The following DLGAP2 variants were observed in gnomAD, a reference collection of about 807,000 sequenced individuals.
The protein encoded by DLGAP2 is DLG associated protein 2.
In DLGAP2, 26 loss-of-function variants were observed where a neutral mutation model predicts 100.3. The observed-to-expected ratio is 0.26, with a 90% CI of 0.19 to 0.36. The LOEUF is 0.36. Ranked by LOEUF, DLGAP2 falls within the 10% of genes least tolerant of loss-of-function variation. The pLI is 1.00. For synonymous variants in DLGAP2, 886 were observed against 630.1 expected, an observed-to-expected ratio of 1.41 and a Z score of -6.08; for missense variants, 1,858 against 1,453.2, an observed-to-expected ratio of 1.28 and a Z score of -4.53.
chr8:1,019,700 T>TACATATAA (rs1801574384), intron 2 of DLGAP2: 1 of 152,242 alleles, frequency 6.6e-6, no homozygotes, highest in South Asian at 2.1e-4. Context: ...AAGATATGTC[T>TACATATAA]AGAATTCATG....
chr8:964,763 C>T (rs925789559), intron 2 of DLGAP2, among the ~76,000 whole-genome samples: 1 of 152,208 alleles, frequency 6.6e-6, no homozygotes, highest in Non-Finnish European at 1.5e-5. Context: ...CCTACCCTCC[C>T]CCGAGGGCCA....
At chr8:1,032,236 C>A (rs1801996232) in intron 2 of DLGAP2, among the ~76,000 whole-genome samples, 1 of 152,226 alleles carries the variant, frequency 6.6e-6, no homozygotes, top group Non-Finnish European at 1.5e-5. Flanking sequence ...AAGGTGTGTT[C>A]CCCCACCGCC....
chr8:1,481,096 T>G (rs1340422502), intron 3 of DLGAP2, among the ~76,000 whole-genome samples: 1 of 151,766 alleles, frequency 6.6e-6, no homozygotes, highest in East Asian at 1.9e-4. Flanking sequence ...GGCGTGAACC[T>G]GGGAGGCGGA....
chr8:1,152,684 G>C (rs980290073), intron 2 of DLGAP2, among the ~76,000 whole-genome samples: 1 of 152,186 alleles, frequency 6.6e-6, no homozygotes. Context: ...GGGGAGAAAT[G>C]GGTCTTCCAC....
rs1030655703 is a variant in DLGAP2 at position 1,092,111 on chromosome 8, C to T, written c.74-166740C>T. On this transcript the variant is annotated intron_variant, in intron 2 of 14. Coordinates refer to ENST00000637795, the MANE Select transcript of DLGAP2 (RefSeq NM_001346810.2). Reference sequence around the variant, plus strand: ...CATGTTTTGGGGACTCTCATGGGAGCGGCCGGTGTCTGCCCCTTCATACCC... The same window carrying T: ...CATGTTTTGGGGACTCTCATGGGAGTGGCCGGTGTCTGCCCCTTCATACCC... Among the ~76,000 whole-genome samples the T allele has an allele frequency of 5.9e-5, 9 of 152,296 alleles. No individual in the cohort carries two copies. In the East Asian group the frequency reaches 1.4e-3, roughly 23 times the overall value.
intron 2 of DLGAP2, among the ~76,000 whole-genome samples, chr8:926,339 G>A (rs765526134): frequency 2.6e-5 from 4 of 152,166 alleles, no homozygotes; most frequent in Admixed American, 1.3e-4. Flanking sequence ...AGGGCTCCCC[G>A]TGTTGGCCAC....
intron 3 of DLGAP2, among the ~76,000 whole-genome samples, chr8:1,339,322 A>G (rs1278627324): frequency 6.6e-6 from 1 of 151,540 alleles, no homozygotes; most frequent in Non-Finnish European, 1.5e-5. Context: ...GAGGGAATGC[A>G]GTGACCTCAG....
chr8:1,440,702 G>A (rs948985721), intron 3 of DLGAP2, among the ~76,000 whole-genome samples: 1 of 152,200 alleles, frequency 6.6e-6, no homozygotes, highest in Admixed American at 6.5e-5. Flanking sequence ...GTCCTGAAGG[G>A]CCCTTGGTGT....
chr8:1,457,972 G>A (rs1798362224), intron 3 of DLGAP2, among the ~76,000 whole-genome samples: 1 of 66,916 alleles, frequency 1.5e-5, no homozygotes, highest in Middle Eastern at 0.011. Flanking sequence ...TCTGTTCTCT[G>A]ATCATATATA....
At chr8:1,303,484 G>A (rs1348770474) in intron 3 of DLGAP2, among the ~76,000 whole-genome samples, 17 of 151,850 alleles carry the variant, frequency 1.1e-4, no homozygotes, top group African/African-American at 3.9e-4. Flanking sequence ...AAGGAGCTTC[G>A]ACCTGGAAAT....
At chr8:1,593,703 G>A (rs961586656) in intron 6 of DLGAP2, among the ~76,000 whole-genome samples, 1 of 73,494 alleles carries the variant, frequency 1.4e-5, no homozygotes, top group Non-Finnish European at 3.5e-5. Flanking sequence ...AGCTCCCAGA[G>A]TCTGGCCTCT....
rs1370692568 is a variant in DLGAP2, at chr8:1,705,291, C to T, written c.*3885C>T. 6.6e-6 allele frequency: 1 copy of T among 152,242 alleles called. No individual in the cohort carries two copies. Among genetic ancestry groups the T allele is most frequent in the Non-Finnish European group, 1.5e-5 (1 of 68,060 alleles). The allele number at this position is 152,242 out of a possible 1,614,324, so 9.4% of individuals were successfully genotyped here. On this transcript the variant is annotated 3_prime_UTR_variant, in exon 15 of 15. Coordinates refer to ENST00000637795, the MANE Select transcript of DLGAP2 (RefSeq NM_001346810.2). ...CCTGTGGTCCTGAGCATGAAGGGGC[C>T]AGGGGACCTCCTGGGAGATGCAGCT...
chr8:1,529,170 AG>A (rs1438971263), intron 4 of DLGAP2, among the ~76,000 whole-genome samples: 1 of 152,178 alleles, frequency 6.6e-6, no homozygotes, highest in Admixed American at 6.5e-5. Flanking sequence ...CGGAAGGTGA[AG>A]GGGAAGCAAG....
chr8:1,579,973 C>T (rs1038034185), intron 6 of DLGAP2, among the ~76,000 whole-genome samples: 1 of 152,184 alleles, frequency 6.6e-6, no homozygotes, highest in Non-Finnish European at 1.5e-5. Flanking sequence ...AGCTCTGCAC[C>T]TGACCTGATG....
chr8:1,089,132 A>G (rs376529696), intron 2 of DLGAP2, among the ~76,000 whole-genome samples: 58 of 136,376 alleles, frequency 4.3e-4, no homozygotes, highest in South Asian at 7.4e-4. Context: ...TCCACCCCTC[A>G]TCCAGCAGGC....
At chr8:980,240 G>A (rs1199346625) in intron 2 of DLGAP2, among the ~76,000 whole-genome samples, 5 of 152,334 alleles carry the variant, frequency 3.3e-5, no homozygotes, top group Admixed American at 1.3e-4. Flanking sequence ...AAAGAAACGG[G>A]ATGGGAGGAA....
chr8:1,076,079 T>G (rs949337355), intron 2 of DLGAP2, among the ~76,000 whole-genome samples: 1 of 152,104 alleles, frequency 6.6e-6, no homozygotes, highest in Middle Eastern at 3.4e-3. Flanking sequence ...GGTAGGAGGA[T>G]TTTTTCACAA....
At chr8:928,936 C>G (rs1477762968) in intron 2 of DLGAP2, among the ~76,000 whole-genome samples, 1 of 151,604 alleles carries the variant, frequency 6.6e-6, no homozygotes, top group Non-Finnish European at 1.5e-5. Context: ...CTGCAACACA[C>G]TGCTCAAGGT....
At chr8:844,910 C>T (rs574939587) in intron 1 of DLGAP2, among the ~76,000 whole-genome samples, 5 of 152,172 alleles carry the variant, frequency 3.3e-5, no homozygotes, top group African/African-American at 4.8e-5. Context: ...CTGGACATTT[C>T]GTGTAAACAG....
Sources: gnomAD v4.1 joint callset for allele counts (sites outside exome capture counted in the v4.1 genomes callset) on GRCh38, gnomAD v4.1.1 for gene constraint, MANE v1.5 for transcripts, NCBI Gene and HGNC (gene_info 2026-07-23, HGNC 2026-07-21) for gene names.